The following AMMECR1 variants were observed in gnomAD, a reference collection of about 807,000 sequenced individuals.
AMMECR1 encodes AMMECR nuclear protein 1, also known as nuclear protein AMMECR1.
In AMMECR1, 3 loss-of-function variants were observed where a neutral mutation model predicts 22.5. The ratio of observed to expected loss-of-function variants is 0.13; its 90% CI spans 0.06 to 0.35. The LOEUF is 0.35. Among genes scored for constraint, AMMECR1 ranks in the 10% least tolerant of loss-of-function variants. AMMECR1 has a pLI of 1.00. For missense variants in AMMECR1, 235 were observed against 278.7 expected, an observed-to-expected ratio of 0.84 and a Z score of 1.12; for synonymous variants, 130 against 116.7, an observed-to-expected ratio of 1.11 and a Z score of -0.74.
At chrX:110,263,389 G>GT (rs1405293221) in intron 2 of AMMECR1, among the ~76,000 whole-genome samples, 6 of 110,791 alleles carry the variant, frequency 5.4e-5, no homozygotes, top group Middle Eastern at 4.2e-3. Flanking sequence ...CAAGCCATTG[G>GT]TTTTTTTTCT....
chrX:110,288,972 A>G (rs2067894679), intron 1 of AMMECR1, among the ~76,000 whole-genome samples: 1 of 111,644 alleles, frequency 9.0e-6, no homozygotes, highest in Non-Finnish European at 1.9e-5. Context: ...AGAATTCTCA[A>G]ATATACTTAT....
rs189594682 is a variant in AMMECR1, at chrX:110,209,270, A to C, written c.700-6734T>G. On this transcript the variant is annotated intron_variant, in intron 3 of 5. Transcript: ENST00000262844. ...CTACAAAAGAAATTTGTTCCTAAAA[A>C]GTTACATGTGGGTTGAGTTTACATA... 4.0e-3 allele frequency among the ~76,000 whole-genome samples: 453 copies of C among 112,503 alleles called. 1 individual carries two copies. Among genetic ancestry groups the C allele is most frequent in the South Asian group, 7.0e-3 (19 of 2,702 alleles).
intron 2 of AMMECR1, among the ~76,000 whole-genome samples, chrX:110,386,457 C>G (rs1159925281): frequency 9.1e-6 from 1 of 110,401 alleles, no homozygotes; most frequent in African/African-American, 3.3e-5. Flanking sequence ...AGTATCTTTT[C>G]ATGTGTTTAT....
chrX:110,299,328 G>C (rs1177157725), intron 1 of AMMECR1, among the ~76,000 whole-genome samples: 1 of 111,752 alleles, frequency 8.9e-6, no homozygotes, highest in East Asian at 2.8e-4. Flanking sequence ...AGATCTATGA[G>C]ATAAACAGGT....
In AMMECR1 at chrX:110,196,399, GTT is replaced by G. The variant is rs112762245; in HGVS notation, c.*2119_*2120del. On this transcript the variant is annotated 3_prime_UTR_variant, in exon 6 of 6. Transcript: ENST00000262844. The stretch of plus-strand genomic sequence containing the variant: ...TTTCCTTTTTTTTGTTTTTTGTTTT[GTT>G]TTTTTTTTGTTTGTTTTTTTTTGCA... The G allele has an allele frequency of 3.0e-4, 30 of 99,485 alleles. No individual in the cohort carries two copies. The highest frequency in any genetic ancestry group is 1.1e-3 in the African/African-American group (29 of 27,181). The allele number at this position is 99,485 out of a possible 1,213,427, so 8.2% of individuals were successfully genotyped here.
intron 2 of AMMECR1, among the ~76,000 whole-genome samples, chrX:110,338,712 TG>T (rs979420705): frequency 8.9e-6 from 1 of 111,750 alleles, no homozygotes; most frequent in Non-Finnish European, 1.9e-5. Context: ...CAATGGATTT[TG>T]TTCTGGAATC....
At chrX:110,412,447 G>A (rs2068647606) in intron 2 of AMMECR1, among the ~76,000 whole-genome samples, 1 of 112,179 alleles carries the variant, frequency 8.9e-6, no homozygotes, top group Non-Finnish European at 1.9e-5. Context: ...AAGAGTTTGA[G>A]CCTTGGTTAG....
At chrX:110,340,584 A>C (rs2068160651) in intron 2 of AMMECR1, among the ~76,000 whole-genome samples, 2 of 111,923 alleles carry the variant, frequency 1.8e-5, no homozygotes, top group African/African-American at 6.5e-5. Context: ...TGTGACCATG[A>C]ACAAATCATA....
chrX:110,414,469 C>T (rs185907476), intron 2 of AMMECR1, among the ~76,000 whole-genome samples: 4,341 of 112,516 alleles, frequency 0.039, 216 homozygotes, highest in African/African-American at 0.13. Flanking sequence ...AGGTACCAGC[C>T]ACTGTGCCAG....
chrX:110,378,983 C>T (rs1052722699), intron 2 of AMMECR1, among the ~76,000 whole-genome samples: 1 of 111,973 alleles, frequency 8.9e-6, no homozygotes, highest in African/African-American at 3.3e-5. Flanking sequence ...TTAACCTCTC[C>T]TAACAGCAAG....
At chrX:110,229,955 G>A (rs755902292) in intron 2 of AMMECR1, among the ~76,000 whole-genome samples, 1 of 112,907 alleles carries the variant, frequency 8.9e-6, no homozygotes, top group Admixed American at 9.3e-5. Context: ...GCTGGGGGAG[G>A]GGTATCCGCC....
At chrX:110,308,026 T>C (rs1466600957) in intron 1 of AMMECR1, among the ~76,000 whole-genome samples, 2 of 107,749 alleles carry the variant, frequency 1.9e-5, no homozygotes, top group East Asian at 5.8e-4. Context: ...CATGCCATCA[T>C]GCTCAGCTAA....
intron 1 of AMMECR1, among the ~76,000 whole-genome samples, chrX:110,282,819 G>C (rs1016572305): frequency 3.6e-5 from 4 of 111,283 alleles, no homozygotes; most frequent in Non-Finnish European, 7.5e-5. Flanking sequence ...CATTCAGTGA[G>C]AGCATATTAT....
At chrX:110,420,632 T>G (rs1226096048) in intron 2 of AMMECR1, among the ~76,000 whole-genome samples, 1 of 112,053 alleles carries the variant, frequency 8.9e-6, no homozygotes, top group Non-Finnish European at 1.9e-5. Context: ...TCTCAAATCC[T>G]TTGCAGAATG....
At chrX:110,200,195 C>T (rs1298123143) in intron 5 of AMMECR1, among the ~76,000 whole-genome samples, 2 of 111,585 alleles carry the variant, frequency 1.8e-5, no homozygotes, top group Non-Finnish European at 3.8e-5. Context: ...CCCTCCCACC[C>T]TCTTAGAATT....
At chrX:110,266,758 T>C (rs1004207507) in intron 1 of AMMECR1, among the ~76,000 whole-genome samples, 23 of 108,992 alleles carry the variant, frequency 2.1e-4, no homozygotes, top group African/African-American at 7.4e-4. Flanking sequence ...TTACATTAGG[T>C]ATACAGGGGC....
chrX:110,275,855 T>A lies in AMMECR1; in HGVS notation c.474-11256A>T, dbSNP rs181509645. Among the ~76,000 whole-genome samples, 668 of 111,462 alleles carry A rather than the reference T, an allele frequency of 6.0e-3. 3 individuals are homozygous for A. Among genetic ancestry groups the A allele is most frequent in the African/African-American group, 0.019 (593 of 30,740 alleles). On this transcript the variant is annotated intron_variant, in intron 1 of 5. Transcript: ENST00000262844. ...CAAAAATAAATAAATAAATAAATAA[T>A]TAAAAAATTATAATTGCTTTAGTGT... is the stretch of plus-strand genomic sequence containing the variant.
At chrX:110,338,527 T>C (rs2068149538) in intron 2 of AMMECR1, among the ~76,000 whole-genome samples, 1 of 112,191 alleles carries the variant, frequency 8.9e-6, no homozygotes, top group Admixed American at 9.4e-5. Context: ...CAGCCGTTTT[T>C]CTAAATTATC....
intron 2 of AMMECR1, among the ~76,000 whole-genome samples, chrX:110,359,698 A>G (rs1468715833): frequency 6.3e-5 from 7 of 111,869 alleles, no homozygotes; most frequent in Non-Finnish European, 1.3e-4. Flanking sequence ...CCCTGGGTGC[A>G]AAAGTCGGTA....
Sources: allele counts gnomAD v4.1 joint callset (sites outside exome capture counted in the v4.1 genomes callset), GRCh38; gene constraint gnomAD v4.1.1; transcripts MANE v1.5; gene names NCBI Gene and HGNC (gene_info 2026-07-23, HGNC 2026-07-21).